The following STK10 variants were observed in gnomAD, a reference collection of about 807,000 sequenced individuals.
The protein encoded by STK10 is serine/threonine kinase 10.
A neutral mutation model predicts 113.8 loss-of-function variants in STK10; 78 were observed. That is an observed-to-expected ratio of 0.69 (90% CI 0.57 to 0.83). The LOEUF is 0.83. Ranked by LOEUF, STK10 falls within the 40% of genes least tolerant of loss-of-function variation. The pLI is 0.00. For synonymous variants in STK10, 465 were observed against 494.7 expected, an observed-to-expected ratio of 0.94 and a Z score of 0.80; for missense variants, 1,109 against 1,280.1, an observed-to-expected ratio of 0.87 and a Z score of 2.04.
intron 2 of STK10, among the ~76,000 whole-genome samples, chr5:172,146,524 T>C (rs960894935): frequency 1.3e-5 from 2 of 152,138 alleles, no homozygotes; most frequent in African/African-American, 4.8e-5. Flanking sequence ...AGCACTGGAA[T>C]CATCTGCTCC....
intron 7 of STK10, among the ~76,000 whole-genome samples, chr5:172,103,515 A>G (rs1278422943): frequency 6.6e-6 from 1 of 152,144 alleles, no homozygotes; most frequent in Non-Finnish European, 1.5e-5. Context: ...GTATCAGGGC[A>G]GGAGGTGCCT....
chr5:172,183,200 CTG>C (rs1404990588), intron 1 of STK10, among the ~76,000 whole-genome samples: 1 of 152,140 alleles, frequency 6.6e-6, no homozygotes, highest in East Asian at 1.9e-4. Context: ...GAGTAAGACA[CTG>C]TCTCTAAAAA....
At chr5:172,094,364 T>G (rs1768799737) in intron 8 of STK10, among the ~76,000 whole-genome samples, 1 of 152,132 alleles carries the variant, frequency 6.6e-6, no homozygotes, top group Non-Finnish European at 1.5e-5. Context: ...TTATTTTATT[T>G]ATTTATCTAT....
intron 14 of STK10, among the ~76,000 whole-genome samples, chr5:172,058,950 G>A (rs749232053): frequency 1.5e-4 from 23 of 152,038 alleles, no homozygotes; most frequent in Non-Finnish European, 2.9e-4. Context: ...AGGGCCAGGC[G>A]CGGTGGCTCA....
intron 10 of STK10, among the ~76,000 whole-genome samples, chr5:172,086,333 G>T (rs1029580235): frequency 6.6e-6 from 1 of 152,180 alleles, no homozygotes; most frequent in African/African-American, 2.4e-5. Context: ...AGTGGGAAGA[G>T]AGGAGGCAGG....
chr5:172,093,512 G>C lies in STK10; in HGVS notation c.1454C>G (p.Ser485Trp). Residue 485 changes from serine (S) to tryptophan (W), a missense_variant, in exon 9 of 19, where the codon TCG (serine) becomes TGG (tryptophan). Coordinates refer to ENST00000176763, the MANE Select transcript of STK10 (RefSeq NM_005990.4). The surrounding 1 kb of genome is among the most constrained non-coding windows in gnomAD (Gnocchi z 4.1). Reference sequence around the variant, plus strand: ...AGAGGTGCAGAGGCTGCTGCAGTCCGAGTCCCTCTTGGAAGGCCCTGGAGC... The same window carrying C: ...AGAGGTGCAGAGGCTGCTGCAGTCCCAGTCCCTCTTGGAAGGCCCTGGAGC... Reference protein sequence around the residue: ...QAAPGPSKRDSDCSSLCTSES... With the variant: ...QAAPGPSKRDWDCSSLCTSES... 1 of 1,614,224 alleles carries C rather than the reference G, an allele frequency of 6.2e-7. No individual in the cohort carries two copies. The highest frequency in any genetic ancestry group is 8.5e-7 in the Non-Finnish European group (1 of 1,180,042).
chr5:172,129,939 T>C (rs934481302), intron 2 of STK10, among the ~76,000 whole-genome samples: 9 of 152,332 alleles, frequency 5.9e-5, no homozygotes, highest in Non-Finnish European at 8.8e-5. Context: ...GCTGTCACTA[T>C]GATTCTTTCC....
Position 172,182,305 on chromosome 5 carries a change from A to AG in STK10, c.156+5581dup, listed in dbSNP as rs1432083826. Among the ~76,000 whole-genome samples the AG allele has an allele frequency of 1.1e-4, 11 of 97,406 alleles. No homozygotes were observed. The East Asian group carries it at 1.6e-3, about 14-fold the overall frequency. 63.9% of individuals were successfully genotyped at this position (97,406 alleles called of 152,430 possible). A position where few individuals can be genotyped will look rare whatever the true frequency, so the allele number is the denominator to read the frequency against. On this transcript the variant is annotated intron_variant, in intron 1 of 18. Coordinates refer to ENST00000176763, the MANE Select transcript of STK10 (RefSeq NM_005990.4). ...GTGACAGAGCTAGACTCTGTCTCAG[A>AG]GGGAAAAAAAAAAAAAAAAAAAGGC...
At chr5:172,048,232 G>A (rs1009880717) in intron 18 of STK10, among the ~76,000 whole-genome samples, 1 of 152,052 alleles carries the variant, frequency 6.6e-6, no homozygotes, top group African/African-American at 2.4e-5. Context: ...TCATGTGGGT[G>A]GGCCTCAATC....
chr5:172,054,538 G>T (rs777694438), intron 17 of STK10, 31 bp downstream of exon 17: 4 of 1,595,784 alleles, frequency 2.5e-6, no homozygotes, highest in Admixed American at 1.7e-5. Flanking sequence ...AGGCAGCCTG[G>T]GGGCAGGGGC....
chr5:172,062,505 C>T (rs987094281), intron 13 of STK10, among the ~76,000 whole-genome samples: 6 of 150,624 alleles, frequency 4.0e-5, no homozygotes, highest in African/African-American at 7.5e-5. Context: ...CCCACGTGTC[C>T]GTCGATAGAT....
At chr5:172,075,089 G>A (rs545035713) in intron 12 of STK10, among the ~76,000 whole-genome samples, 1 of 151,630 alleles carries the variant, frequency 6.6e-6, no homozygotes, top group East Asian at 1.9e-4. Context: ...GCTGAGGTGG[G>A]AGCCCAGGAA....
chr5:172,123,004 A>G (rs1174733588), intron 3 of STK10, among the ~76,000 whole-genome samples: 1 of 152,216 alleles, frequency 6.6e-6, no homozygotes, highest in East Asian at 1.9e-4. Context: ...TGTTACATAG[A>G]ATGGCCCCAC....
intron 2 of STK10, among the ~76,000 whole-genome samples, chr5:172,129,810 C>T (rs1769708862): frequency 6.6e-6 from 1 of 152,194 alleles, no homozygotes; most frequent in Admixed American, 6.5e-5. Flanking sequence ...CCATGCAAGG[C>T]CACTTACTAG....
At chr5:172,107,676 T>G (rs1214540029) in intron 5 of STK10, 104 bp downstream of exon 5, 1 of 647,182 alleles carries the variant, frequency 1.5e-6, no homozygotes, top group East Asian at 3.2e-5. Flanking sequence ...AGGCAGGGCG[T>G]GTAGCCCTTG....
intron 1 of STK10, among the ~76,000 whole-genome samples, chr5:172,157,842 C>T (rs555270012): frequency 9.3e-5 from 14 of 150,638 alleles, no homozygotes; most frequent in East Asian, 7.8e-4. Context: ...CCGCCCATCT[C>T]GGCCTCCCAA....
intron 1 of STK10, among the ~76,000 whole-genome samples, chr5:172,170,479 T>C (rs3797326): frequency 0.48 from 72,595 of 151,982 alleles, 19,565 homozygotes; most frequent in African/African-American, 0.75. Flanking sequence ...ACAAGTGACA[T>C]GTAAGGATGG....
chr5:172,131,268 T>A (rs891984470), intron 2 of STK10, among the ~76,000 whole-genome samples: 1 of 152,100 alleles, frequency 6.6e-6, no homozygotes, highest in Non-Finnish European at 1.5e-5. Context: ...TCTCCTGACC[T>A]CGCGATCTGC....
chr5:172,083,925 GA>G (rs58326550), intron 10 of STK10, among the ~76,000 whole-genome samples: 1,533 of 85,812 alleles, frequency 0.018, 13 homozygotes, highest in Middle Eastern at 0.092. Flanking sequence ...ACAAAAAAAA[GA>G]AAAAAAAAAA....
Sources: allele counts gnomAD v4.1 joint callset (sites outside exome capture counted in the v4.1 genomes callset), GRCh38; gene constraint gnomAD v4.1.1; non-coding constraint Gnocchi (gnomAD v3.1); transcripts MANE v1.5; gene names NCBI Gene and HGNC (gene_info 2026-07-23, HGNC 2026-07-21).